Variants in DPH5 observed in about 807,000 individuals in gnomAD.
DPH5 encodes the protein diphthine methyl ester synthase.
A neutral mutation model predicts 31.6 loss-of-function variants in DPH5; 31 were observed. The observed-to-expected ratio is 0.98, with a 90% CI of 0.74 to 1.32. The LOEUF (loss-of-function observed/expected upper bound fraction) is 1.32, where lower values mean the gene tolerates loss of function less well. Ranked by LOEUF, DPH5 falls within the 40% of genes most tolerant of loss-of-function variation. The pLI, the probability that DPH5 is intolerant of heterozygous loss-of-function variation, is 0.00. For missense variants in DPH5, 309 were observed against 335.7 expected (o/e 0.92, Z 0.62); for synonymous variants, 120 against 115.0 (o/e 1.04, Z -0.28).
chr1:101,021,749 C>A lies in DPH5; in HGVS notation c.152G>T (p.Arg51Ile). Residue 51 changes from arginine to isoleucine, a missense_variant, in exon 3 of 8, where the codon AGA becomes ATA. Coordinates refer to ENST00000370109, the MANE Select transcript of DPH5 (RefSeq NM_015958.3). ...TTCTCTATCAGCAACAACCAATTTT[C>A]TTCCATAAAACTCTTCCTACAGATA... ...GKEALEEFYG[R>I]KLVVADREEV... The A allele has an allele frequency of 6.2e-7, 1 of 1,611,600 alleles. No homozygotes were observed. Among genetic ancestry groups the A allele is most frequent in the Non-Finnish European group, 8.5e-7 (1 of 1,178,660 alleles).
chr1:101,017,135 G>A (rs1328671191), intron 3 of DPH5, among the ~76,000 whole-genome samples: 1 of 152,100 alleles, frequency 6.6e-6, no homozygotes, highest in Non-Finnish European at 1.5e-5. Flanking sequence ...AGAACATGCT[G>A]TCAGAAAAAA....
At chr1:101,018,257 G>A (rs1034398684) in intron 3 of DPH5, among the ~76,000 whole-genome samples, 1 of 94,954 alleles carries the variant, frequency 1.1e-5, no homozygotes, top group African/African-American at 4.0e-5. Context: ...TTTTTTTTTT[G>A]AGACAGAGTC....
intron 3 of DPH5, among the ~76,000 whole-genome samples, chr1:101,020,179 C>G (rs941304734): frequency 6.6e-6 from 1 of 152,132 alleles, no homozygotes; most frequent in Non-Finnish European, 1.5e-5. Context: ...ATTCTTCCTT[C>G]TACCTTTCTC....
At chr1:101,016,188 AC>A (rs2101268153) in intron 3 of DPH5, among the ~76,000 whole-genome samples, 1 of 152,086 alleles carries the variant, frequency 6.6e-6, no homozygotes, top group South Asian at 2.1e-4. Context: ...CCCCGTCTCT[AC>A]TAAAAATACA....
intron 4 of DPH5, among the ~76,000 whole-genome samples, chr1:101,007,711 T>TC (rs1659334451): frequency 1.5e-5 from 2 of 131,998 alleles, no homozygotes; most frequent in South Asian, 2.4e-4. Flanking sequence ...CAAGACTCCG[T>TC]CCCCCCCGAA....
chr1:100,997,581 G>C (rs1325736155), intron 5 of DPH5, among the ~76,000 whole-genome samples: 1 of 152,082 alleles, frequency 6.6e-6, no homozygotes, highest in African/African-American at 2.4e-5. Flanking sequence ...TAGTCAAGAT[G>C]GTCTCGATCT....
chr1:101,006,981 C>A (rs1383609216), intron 4 of DPH5, among the ~76,000 whole-genome samples: 1 of 151,880 alleles, frequency 6.6e-6, no homozygotes, highest in African/African-American at 2.4e-5. Flanking sequence ...GGAACTGTCT[C>A]ATTTATCTGC....
intron 5 of DPH5, among the ~76,000 whole-genome samples, chr1:100,998,908 G>A (rs1658616754): frequency 6.6e-6 from 1 of 152,180 alleles, no homozygotes; most frequent in African/African-American, 2.4e-5. Flanking sequence ...GGGGCAGGCA[G>A]CAAATATTTT....
At chr1:101,019,702 T>C (rs1660318509) in intron 3 of DPH5, among the ~76,000 whole-genome samples, 1 of 152,120 alleles carries the variant, frequency 6.6e-6, no homozygotes, top group Non-Finnish European at 1.5e-5. Flanking sequence ...AACTATCATA[T>C]CCTAACTATA....
intron 4 of DPH5, among the ~76,000 whole-genome samples, chr1:101,009,381 G>C (rs1157166121): frequency 3.3e-5 from 5 of 152,148 alleles, no homozygotes; most frequent in African/African-American, 1.2e-4. Context: ...CAAGTCTTTG[G>C]GGGTACAAAC....
At chr1:101,013,897 T>A (rs535480906) in intron 3 of DPH5, 79 bp from the exon 4 acceptor site, 1 of 1,114,330 alleles carries the variant, frequency 9.0e-7, no homozygotes, top group Admixed American at 2.2e-5. Context: ...TGAGTTCATG[T>A]CAATTAAAGA....
intron 3 of DPH5, among the ~76,000 whole-genome samples, chr1:101,014,242 A>G (rs1368075248): frequency 6.6e-6 from 1 of 152,224 alleles, no homozygotes; most frequent in Non-Finnish European, 1.5e-5. Context: ...TCACTGCTCT[A>G]TTTTGAAGAC....
chr1:101,014,261 T>C (rs1478908170), intron 3 of DPH5, among the ~76,000 whole-genome samples: 1 of 152,234 alleles, frequency 6.6e-6, no homozygotes, highest in Non-Finnish European at 1.5e-5. Context: ...ACTTTGTCTT[T>C]GTATTTAAAA....
At position 101,007,754 on chromosome 1, in the gene DPH5, C is replaced by CA. The variant is rs10708264; in HGVS notation, c.369+5955dup. On this transcript the variant is annotated intron_variant, in intron 4 of 7. Transcript: ENST00000370109. The stretch of plus-strand genomic sequence containing the variant: ...AAAAAACAGAAACAAAAACAAAAAC[C>CA]AAAAAAAAAAAACAAAGAAAAGTGC... 9.3e-3 allele frequency among the ~76,000 whole-genome samples: 1,278 copies of CA among 137,284 alleles called. 11 individuals are homozygous for CA. The highest frequency in any genetic ancestry group is 0.023 in the African/African-American group (875 of 38,040). The allele number at this position is 137,284 out of a possible 152,430, so 90.1% of individuals were successfully genotyped here. A position where few individuals can be genotyped will look rare whatever the true frequency, so the allele number is the denominator to read the frequency against.
intron 3 of DPH5, 105 bp downstream of exon 3, chr1:101,021,536 C>T (rs1660442151): frequency 2.6e-6 from 3 of 1,169,760 alleles, no homozygotes; most frequent in Non-Finnish European, 3.6e-6. Flanking sequence ...ACCAGAGTTC[C>T]TTATCAGGAC....
intron 4 of DPH5, among the ~76,000 whole-genome samples, chr1:101,010,258 A>C (rs1659526137): frequency 6.6e-6 from 1 of 152,132 alleles, no homozygotes; most frequent in East Asian, 1.9e-4. Flanking sequence ...CCTCTAATAC[A>C]CTTTTTATTT....
At chr1:101,001,401 A>G (rs1299890951) in intron 5 of DPH5, 66 bp downstream of exon 5, 2 of 1,540,026 alleles carry the variant, frequency 1.3e-6, no homozygotes, top group African/African-American at 2.8e-5. Flanking sequence ...ACCTTAACAC[A>G]AAATCAAAAT....
chr1:100,993,551 A>C (rs1250301601), intron 6 of DPH5, among the ~76,000 whole-genome samples: 2 of 58,182 alleles, frequency 3.4e-5, no homozygotes, highest in Non-Finnish European at 7.1e-5. Context: ...GACTCTGTCG[A>C]AAATATAAAT....
rs762698458 is a variant in DPH5, at chr1:101,021,619, CA to C, written c.260+21del. On this transcript the variant is annotated intron_variant, in intron 3 of 7. Transcript: ENST00000370109. ...AAAAAAAGTAAATGAGTTAAAAACT[CA>C]AAATATCTGCCTTGACTTACCCAAA... The C allele has an allele frequency of 1.3e-5, 20 of 1,592,114 alleles. No individual in the cohort carries two copies. In the Middle Eastern group the frequency reaches 5.0e-4, roughly 40 times the overall value.
Sources: gnomAD v4.1 joint callset for allele counts (sites outside exome capture counted in the v4.1 genomes callset) on GRCh38, gnomAD v4.1.1 for gene constraint, MANE v1.5 for transcripts, NCBI Gene and HGNC (gene_info 2026-07-23, HGNC 2026-07-21) for gene names.